The following SCN8A variants were observed in gnomAD, a reference collection of about 807,000 sequenced individuals.
SCN8A encodes the protein sodium channel protein type 8 subunit alpha.
In SCN8A, 30 loss-of-function variants were observed where a neutral mutation model predicts 184.1. The observed-to-expected ratio is 0.16, with a 90% CI of 0.12 to 0.22. The LOEUF (loss-of-function observed/expected upper bound fraction) is 0.22, where lower values mean the gene tolerates loss of function less well. Among genes scored for constraint, SCN8A ranks in the 10% least tolerant of loss-of-function variants. The pLI is 1.00. For missense variants in SCN8A, 1,057 were observed against 2,498.9 expected (o/e 0.42, Z 12.30); for synonymous variants, 852 against 907.0 (o/e 0.94, Z 1.09).
chr12:51,739,284 C>T (rs556012785), intron 12 of SCN8A, among the ~76,000 whole-genome samples: 1 of 152,236 alleles, frequency 6.6e-6, no homozygotes, highest in East Asian at 1.9e-4. Context: ...CTAAATCACC[C>T]TCTCGTATAG....
intron 26 of SCN8A, among the ~76,000 whole-genome samples, chr12:51,803,086 C>G (rs1938600460): frequency 6.6e-6 from 1 of 152,204 alleles, no homozygotes; most frequent in African/African-American, 2.4e-5. Flanking sequence ...CATCTGCAAG[C>G]TGAGGAGCAA....
At chr12:51,729,205 G>T (rs1942202466) in intron 12 of SCN8A, among the ~76,000 whole-genome samples, 3 of 152,128 alleles carry the variant, frequency 2.0e-5, no homozygotes, top group Non-Finnish European at 2.9e-5. Context: ...TGGGTAAGCC[G>T]CACCCAAGAG....
At chr12:51,734,162 A>T (rs1274502801) in intron 12 of SCN8A, among the ~76,000 whole-genome samples, 3 of 152,016 alleles carry the variant, frequency 2.0e-5, no homozygotes, top group Non-Finnish European at 4.4e-5. Context: ...TTAGGTTATT[A>T]ATTTGAAGTT....
At chr12:51,747,711 C>A (rs2138832117) in intron 13 of SCN8A, among the ~76,000 whole-genome samples, 1 of 152,272 alleles carries the variant, frequency 6.6e-6, no homozygotes, top group East Asian at 1.9e-4. Context: ...TGCAGGGCTC[C>A]TTTCGGAGGC....
chr12:51,592,052 C>A (rs1391384673), intron 1 of SCN8A, among the ~76,000 whole-genome samples: 1 of 124,162 alleles, frequency 8.1e-6, no homozygotes, highest in Non-Finnish European at 1.7e-5. Flanking sequence ...CCATCCCACC[C>A]CCACCCCCAC....
At chr12:51,616,118 GT>G (rs1369949068) in intron 1 of SCN8A, among the ~76,000 whole-genome samples, 3 of 152,158 alleles carry the variant, frequency 2.0e-5, no homozygotes, top group Admixed American at 1.3e-4. Flanking sequence ...GCTCTTCCTT[GT>G]TTCCTGAAGT....
At chr12:51,778,877 G>A (rs1439223111) in intron 20 of SCN8A, among the ~76,000 whole-genome samples, 2 of 152,064 alleles carry the variant, frequency 1.3e-5, no homozygotes, top group African/African-American at 4.8e-5. Flanking sequence ...TTTAAGAGCT[G>A]TTGATGGAAA....
chr12:51,747,495 G>T (rs768986281), intron 13 of SCN8A, among the ~76,000 whole-genome samples: 1 of 152,086 alleles, frequency 6.6e-6, no homozygotes, highest in Non-Finnish European at 1.5e-5. Flanking sequence ...GGTATCTGTG[G>T]CAGTTGAGAA....
intron 1 of SCN8A, among the ~76,000 whole-genome samples, chr12:51,661,187 T>G (rs886298996): frequency 6.6e-6 from 1 of 152,188 alleles, no homozygotes; most frequent in African/African-American, 2.4e-5. Context: ...GACCCCACCT[T>G]TCCTCATCTA....
chr12:51,622,211 G>A (rs748593496), intron 1 of SCN8A, among the ~76,000 whole-genome samples: 41 of 152,134 alleles, frequency 2.7e-4, no homozygotes, highest in African/African-American at 8.9e-4. Context: ...AGGGGAATAC[G>A]GAGAATTCCT....
At chr12:51,591,696 C>T (rs898919238) in intron 1 of SCN8A, among the ~76,000 whole-genome samples, 1 of 152,138 alleles carries the variant, frequency 6.6e-6, no homozygotes, top group Non-Finnish European at 1.5e-5. Flanking sequence ...AGCCCTCCAT[C>T]CCTCCCTCAG....
At chr12:51,710,271 T>A (rs1454980712) in intron 11 of SCN8A, among the ~76,000 whole-genome samples, 1 of 152,118 alleles carries the variant, frequency 6.6e-6, no homozygotes, top group Non-Finnish European at 1.5e-5. Context: ...CTGTGCCCCA[T>A]CAAGCACCCT....
At chr12:51,713,820 A>G (rs1216687078) in intron 11 of SCN8A, among the ~76,000 whole-genome samples, 2 of 151,970 alleles carry the variant, frequency 1.3e-5, no homozygotes, top group Non-Finnish European at 2.9e-5. Flanking sequence ...CCTTTCTAAA[A>G]TGTGCTTTTA....
intron 14 of SCN8A, among the ~76,000 whole-genome samples, chr12:51,754,871 G>A (rs1942650303): frequency 6.6e-6 from 1 of 152,152 alleles, no homozygotes; most frequent in Non-Finnish European, 1.5e-5. Flanking sequence ...CTACCAGTTG[G>A]CATGTAGCTT....
chr12:51,643,493 GTA>G lies in SCN8A; in HGVS notation c.-54-19269_-54-19268del. On this transcript the variant is annotated intron_variant, in intron 1 of 26. Coordinates refer to ENST00000627620, the MANE Select transcript of SCN8A (RefSeq NM_001330260.2). ...TTTGATGTATCTTCTTTACTTCTGTGTATTTGGGCATGTCTATTTCAAGAGAA... is the reference window on the plus strand; with the variant it reads ...TTTGATGTATCTTCTTTACTTCTGTGTTTGGGCATGTCTATTTCAAGAGAA... Among the ~76,000 whole-genome samples the G allele has an allele frequency of 2.6e-5, 4 of 152,252 alleles. No individual in the cohort carries two copies. The Middle Eastern group carries it at 0.014, about 518-fold the overall frequency.
At chr12:51,611,325 C>G (rs1939715994) in intron 1 of SCN8A, among the ~76,000 whole-genome samples, 1 of 151,728 alleles carries the variant, frequency 6.6e-6, no homozygotes, top group Admixed American at 6.6e-5. Context: ...CCACGCCTGG[C>G]TAATTTCTTT....
intron 12 of SCN8A, among the ~76,000 whole-genome samples, chr12:51,739,369 A>G (rs1167340486): frequency 6.6e-6 from 1 of 152,070 alleles, no homozygotes; most frequent in Non-Finnish European, 1.5e-5. Context: ...TGGGGCAACT[A>G]CTTTTTGCCC....
At chr12:51,676,091 A>C (rs1941217862) in intron 2 of SCN8A, among the ~76,000 whole-genome samples, 1 of 152,162 alleles carries the variant, frequency 6.6e-6, no homozygotes, top group South Asian at 2.1e-4. Flanking sequence ...GTGGAAAATG[A>C]TGGTTCTAAA....
At chr12:51,741,313 A>G (rs1207793273) in intron 12 of SCN8A, among the ~76,000 whole-genome samples, 1 of 152,156 alleles carries the variant, frequency 6.6e-6, no homozygotes, top group Non-Finnish European at 1.5e-5. Context: ...TTGGCATGGA[A>G]TATCTTTTTC....
Sources: gnomAD v4.1 joint callset for allele counts (sites outside exome capture counted in the v4.1 genomes callset) on GRCh38, gnomAD v4.1.1 for gene constraint, MANE v1.5 for transcripts, NCBI Gene and HGNC (gene_info 2026-07-23, HGNC 2026-07-21) for gene names.